The following TMEM232 variants were observed in gnomAD, a reference collection of about 807,000 sequenced individuals.
TMEM232 encodes the protein transmembrane protein 232.
In TMEM232, 80 loss-of-function variants were observed where a neutral mutation model predicts 78.8. That is an observed-to-expected ratio of 1.01 (90% CI 0.85 to 1.22). The LOEUF (loss-of-function observed/expected upper bound fraction) is 1.22. TMEM232 is among the 50% of genes most tolerant of loss of function. The pLI, the probability that TMEM232 is intolerant of heterozygous loss-of-function variation, is 0.00. For synonymous variants in TMEM232, 297 were observed against 254.3 expected (o/e 1.17, Z -1.60); for missense variants, 881 against 742.2 (o/e 1.19, Z -2.17).
intron 12 of TMEM232, among the ~76,000 whole-genome samples, chr5:110,485,643 T>C (rs1764379132): frequency 6.6e-6 from 1 of 152,182 alleles, no homozygotes; most frequent in African/African-American, 2.4e-5. Flanking sequence ...GTTAATTCAT[T>C]CTTTTTTATA....
At chr5:110,657,669 G>T (rs146394811) in intron 2 of TMEM232, among the ~76,000 whole-genome samples, 9 of 152,018 alleles carry the variant, frequency 5.9e-5, no homozygotes, top group Non-Finnish European at 8.8e-5. Context: ...ATTTGTTTTC[G>T]TGTTCTATTA....
At chr5:110,532,880 T>C (rs577715059) in intron 11 of TMEM232, among the ~76,000 whole-genome samples, 1 of 152,340 alleles carries the variant, frequency 6.6e-6, no homozygotes, top group South Asian at 2.1e-4. Context: ...ATCACTCGCT[T>C]GCTACAGCAT....
At chr5:110,532,163 T>G (rs990014387) in intron 11 of TMEM232, among the ~76,000 whole-genome samples, 1 of 152,098 alleles carries the variant, frequency 6.6e-6, no homozygotes, top group Admixed American at 6.5e-5. Context: ...CAGCCCAGGA[T>G]TCCTCCTAAG....
chr5:110,592,235 G>A (rs1424873558), intron 10 of TMEM232, among the ~76,000 whole-genome samples: 2 of 152,220 alleles, frequency 1.3e-5, no homozygotes, highest in Admixed American at 1.3e-4. Flanking sequence ...GACGTCTAGA[G>A]GTGTTATATT....
chr5:110,476,397 A>C (rs1039414508), intron 12 of TMEM232, among the ~76,000 whole-genome samples: 4 of 151,968 alleles, frequency 2.6e-5, no homozygotes, highest in Non-Finnish European at 5.9e-5. Context: ...CAAGTCAAAG[A>C]AAAGGACTCC....
At chr5:110,440,603 C>T (rs912854442) in intron 12 of TMEM232, among the ~76,000 whole-genome samples, 1 of 152,074 alleles carries the variant, frequency 6.6e-6, no homozygotes, top group Non-Finnish European at 1.5e-5. Flanking sequence ...TCTTACTACT[C>T]AATTTGAAGA....
intron 12 of TMEM232, among the ~76,000 whole-genome samples, chr5:110,496,786 A>G (rs900992921): frequency 6.6e-6 from 1 of 152,044 alleles, no homozygotes; most frequent in Non-Finnish European, 1.5e-5. Flanking sequence ...GATACTGCCA[A>G]TTTTTGAGAA....
chr5:110,446,677 T>C (rs1447578660), intron 12 of TMEM232, among the ~76,000 whole-genome samples: 3 of 152,204 alleles, frequency 2.0e-5, no homozygotes, highest in African/African-American at 7.2e-5. Flanking sequence ...ACTGTTTTAT[T>C]CCATAAGTTC....
At chr5:110,713,555 AT>A (rs1374817417) in intron 1 of TMEM232, among the ~76,000 whole-genome samples, 2 of 152,148 alleles carry the variant, frequency 1.3e-5, no homozygotes, top group Admixed American at 6.5e-5. Flanking sequence ...AGAAAAAAAA[AT>A]AAGACTTAAG....
At chr5:110,700,233 T>C (rs1055899743) in intron 1 of TMEM232, among the ~76,000 whole-genome samples, 5 of 152,032 alleles carry the variant, frequency 3.3e-5, no homozygotes, top group African/African-American at 1.2e-4. Context: ...ACTATTATAT[T>C]GAAAGATTTG....
chr5:110,503,410 G>A (rs1766493393), intron 12 of TMEM232, among the ~76,000 whole-genome samples: 1 of 152,080 alleles, frequency 6.6e-6, no homozygotes, highest in South Asian at 2.1e-4. Flanking sequence ...GTGAGAGGAA[G>A]GGAGATGAGT....
chr5:110,664,464 C>A (rs1790278868), intron 2 of TMEM232, among the ~76,000 whole-genome samples: 1 of 152,090 alleles, frequency 6.6e-6, no homozygotes, highest in African/African-American at 2.4e-5. Context: ...TGATATCTGC[C>A]ACAATTACTA....
chr5:110,610,383 A>T (rs952550322), intron 8 of TMEM232: 28 of 185,716 alleles, frequency 1.5e-4, no homozygotes, highest in Non-Finnish European at 3.1e-4. Context: ...AGTATTCATG[A>T]GAAATACATG....
chr5:110,421,564 A>AAAG (rs561382098), intron 13 of TMEM232, among the ~76,000 whole-genome samples: 103 of 151,616 alleles, frequency 6.8e-4, no homozygotes, highest in Admixed American at 1.3e-3. Flanking sequence ...GGACATTCCT[A>AAAG]AAGATACTGC....
Position 110,487,849 on chromosome 5 carries a change from A to G in TMEM232, c.1703+40739T>C, listed in dbSNP as rs150351504. The stretch of plus-strand genomic sequence containing the variant: ...ATTAGGGAGGGTTCCTTCTTTCTCT[A>G]TCTTGTGGAATAGCGTCAAAAGGAT... On this transcript the variant is annotated intron_variant, in intron 12 of 13. Transcript: ENST00000455884. Among the ~76,000 whole-genome samples, 1,396 of 151,940 alleles carry G rather than the reference A, an allele frequency of 9.2e-3. 22 individuals carry two copies. The highest frequency in any genetic ancestry group is 0.032 in the African/African-American group (1,312 of 41,474).
At chr5:110,688,257 G>A (rs1419340404) in intron 1 of TMEM232, among the ~76,000 whole-genome samples, 2 of 152,158 alleles carry the variant, frequency 1.3e-5, no homozygotes. Flanking sequence ...TTGGATAGAT[G>A]AAGATTTTCT....
intron 11 of TMEM232, among the ~76,000 whole-genome samples, chr5:110,529,182 ACAT>A (rs1375000991): frequency 6.6e-6 from 1 of 152,182 alleles, no homozygotes; most frequent in African/African-American, 2.4e-5. Context: ...GAAGTAATGT[ACAT>A]TTTATTAAAT....
In TMEM232 at chr5:110,464,252, T is replaced by C. The variant is rs996585286; in HGVS notation, c.1704-39336A>G. On this transcript the variant is annotated intron_variant, in intron 12 of 13. Transcript: ENST00000455884. Reference sequence around the variant, plus strand: ...AACGCAGTGGCTGAAAAATTGTAGATATTTAATATTTATCAAATGAGTGAA... The same window carrying C: ...AACGCAGTGGCTGAAAAATTGTAGACATTTAATATTTATCAAATGAGTGAA... Among the ~76,000 whole-genome samples the C allele has an allele frequency of 3.9e-5, 6 of 152,328 alleles. No individual in the cohort carries two copies. The East Asian group carries it at 1.2e-3, about 29-fold the overall frequency.
At chr5:110,636,022 A>T (rs1165232759) in intron 5 of TMEM232, among the ~76,000 whole-genome samples, 1 of 152,080 alleles carries the variant, frequency 6.6e-6, no homozygotes, top group Admixed American at 6.6e-5. Flanking sequence ...GTAAGTATCC[A>T]TTAATGGGTG....
Sources: gnomAD v4.1 joint callset for allele counts (sites outside exome capture counted in the v4.1 genomes callset) on GRCh38, gnomAD v4.1.1 for gene constraint, MANE v1.5 for transcripts, NCBI Gene and HGNC (gene_info 2026-07-23, HGNC 2026-07-21) for gene names.